The following HECW2 variants were observed in gnomAD, a reference collection of about 807,000 sequenced individuals.
HECW2 encodes the protein E3 ubiquitin-protein ligase HECW2.
Under a neutral mutation model 175.2 loss-of-function variants are expected in HECW2, and 61 were observed. The observed-to-expected ratio is 0.35, with a 90% CI of 0.28 to 0.43. The LOEUF (loss-of-function observed/expected upper bound fraction) is 0.43, where lower values mean the gene tolerates loss of function less well. Ranked by LOEUF, HECW2 falls within the 20% of genes least tolerant of loss-of-function variation. The pLI is 1.00. For missense variants in HECW2, 1,524 were observed against 2,000.5 expected (o/e 0.76, Z 4.54); for synonymous variants, 671 against 731.0 (o/e 0.92, Z 1.32).
intron 2 of HECW2, among the ~76,000 whole-genome samples, chr2:196,428,402 C>T (rs1695610567): frequency 6.6e-6 from 1 of 152,176 alleles, no homozygotes; most frequent in Non-Finnish European, 1.5e-5. Flanking sequence ...TATGCATGTT[C>T]CTGTTTAGCC....
At chr2:196,363,862 A>G (rs1255024912) in intron 2 of HECW2, among the ~76,000 whole-genome samples, 1 of 152,164 alleles carries the variant, frequency 6.6e-6, no homozygotes, top group African/African-American at 2.4e-5. Context: ...AGAATAAGAA[A>G]TCTAGAAAGA....
chr2:196,407,441 A>G (rs1694994494), intron 2 of HECW2, among the ~76,000 whole-genome samples: 1 of 152,158 alleles, frequency 6.6e-6, no homozygotes, highest in Non-Finnish European at 1.5e-5. Context: ...AACTTACACG[A>G]TCTGCCCACC....
chr2:196,363,378 C>T (rs1693654676), intron 2 of HECW2, among the ~76,000 whole-genome samples: 1 of 151,992 alleles, frequency 6.6e-6, no homozygotes, highest in South Asian at 2.1e-4. Context: ...GAAGTGATAA[C>T]AGCCAGGATT....
chr2:196,307,506 A>G (rs1032312740), intron 11 of HECW2, among the ~76,000 whole-genome samples: 7 of 151,646 alleles, frequency 4.6e-5, no homozygotes, highest in African/African-American at 1.7e-4. Flanking sequence ...CTATATTGTT[A>G]AAGGAAAAAA....
intron 1 of HECW2, among the ~76,000 whole-genome samples, chr2:196,452,081 T>C (rs899741652): frequency 1.3e-5 from 2 of 152,156 alleles, no homozygotes; most frequent in Non-Finnish European, 2.9e-5. Context: ...GGAACAAGCA[T>C]ACATAGCTCA....
intron 2 of HECW2, among the ~76,000 whole-genome samples, chr2:196,369,566 A>G (rs1284825582): frequency 1.3e-5 from 2 of 151,960 alleles, no homozygotes; most frequent in African/African-American, 4.8e-5. Flanking sequence ...CAATCAGCAC[A>G]GCACATAACA....
At chr2:196,521,370 T>G (rs1465073571) in intron 1 of HECW2, among the ~76,000 whole-genome samples, 2 of 150,262 alleles carry the variant, frequency 1.3e-5, no homozygotes, top group Non-Finnish European at 3.0e-5. Flanking sequence ...AAATTTCTAA[T>G]AGACACTAGT....
At chr2:196,394,960 C>T (rs868493778) in intron 2 of HECW2, among the ~76,000 whole-genome samples, 98 of 152,258 alleles carry the variant, frequency 6.4e-4, no homozygotes, top group African/African-American at 2.3e-3. Flanking sequence ...CTGGTGAGGG[C>T]CTGCTTCCTC....
At chr2:196,283,651 A>G (rs55883904) in intron 14 of HECW2, among the ~76,000 whole-genome samples, 24,818 of 152,088 alleles carry the variant, frequency 0.16, 2,165 homozygotes, top group Middle Eastern at 0.23. Context: ...AAAGTGTCGG[A>G]ATTACAGGCG....
chr2:196,547,172 C>G (rs375260278), intron 1 of HECW2, among the ~76,000 whole-genome samples: 1 of 152,142 alleles, frequency 6.6e-6, no homozygotes, highest in Non-Finnish European at 1.5e-5. Flanking sequence ...TGGGTTTTTA[C>G]TGTTAAAATC....
chr2:196,331,909 T>C (rs767415211), intron 4 of HECW2, among the ~76,000 whole-genome samples: 3 of 152,176 alleles, frequency 2.0e-5, no homozygotes, highest in Non-Finnish European at 4.4e-5. Flanking sequence ...ACTCCATAGA[T>C]TCATTCCAGG....
chr2:196,388,709 T>C (rs1358909978), intron 2 of HECW2, among the ~76,000 whole-genome samples: 6 of 152,204 alleles, frequency 3.9e-5, no homozygotes, highest in Admixed American at 3.3e-4. Context: ...TCTAATCATA[T>C]GCATAATTTT....
At chr2:196,293,163 C>G (rs1690667810) in intron 13 of HECW2, among the ~76,000 whole-genome samples, 1 of 152,196 alleles carries the variant, frequency 6.6e-6, no homozygotes, top group Non-Finnish European at 1.5e-5. Context: ...CAGTCCTACT[C>G]TGAAACAGGC....
At chr2:196,526,357 G>T (rs971537847) in intron 1 of HECW2, among the ~76,000 whole-genome samples, 5 of 141,252 alleles carry the variant, frequency 3.5e-5, no homozygotes, top group Admixed American at 1.4e-4. Context: ...CTCTGTATTG[G>T]TTATTCTAAT....
At chr2:196,201,482 GAC>G in intron 28 of HECW2, 94 bp from the exon 29 acceptor site, 1 of 700,830 alleles carries the variant, frequency 1.4e-6, no homozygotes, top group Admixed American at 2.5e-5. Flanking sequence ...GTGTGTGTAT[GAC>G]TGTCTTTCAC....
chr2:196,278,133 A>AATATATATATATATAT (rs71009094), intron 15 of HECW2, among the ~76,000 whole-genome samples: 1 of 66,552 alleles, frequency 1.5e-5, no homozygotes, highest in Admixed American at 2.2e-4. Context: ...ATAATTAAAA[A>AATATATATATATATAT]ATATATATAT....
At chr2:196,346,040 A>G (rs1377705413) in intron 2 of HECW2, among the ~76,000 whole-genome samples, 2 of 152,208 alleles carry the variant, frequency 1.3e-5, no homozygotes, top group Non-Finnish European at 2.9e-5. Flanking sequence ...GAAATTTCCT[A>G]AAAACGTTGT....
intron 5 of HECW2, 133 bp from the exon 6 acceptor site, chr2:196,325,282 A>C: frequency 8.6e-6 from 5 of 580,586 alleles, no homozygotes; most frequent in Non-Finnish European, 1.1e-5. Context: ...CAAGCAGCTC[A>C]AAGATAATTT....
At chr2:196,249,379 CT>C (rs1176435335) in intron 19 of HECW2, among the ~76,000 whole-genome samples, 9 of 152,130 alleles carry the variant, frequency 5.9e-5, no homozygotes, top group African/African-American at 2.2e-4. Flanking sequence ...ACTCTAACAG[CT>C]GCAAAAAGCA....
Sources: gnomAD v4.1 joint callset for allele counts (sites outside exome capture counted in the v4.1 genomes callset) on GRCh38, gnomAD v4.1.1 for gene constraint, MANE v1.5 for transcripts, NCBI Gene and HGNC (gene_info 2026-07-23, HGNC 2026-07-21) for gene names.